Variants in LMO7 observed in about 807,000 individuals in gnomAD.
The protein encoded by LMO7 is LIM domain only protein 7.
Under a neutral mutation model 206.5 loss-of-function variants are expected in LMO7, and 120 were observed. The observed-to-expected ratio is 0.58, with a 90% CI of 0.50 to 0.68. The LOEUF (loss-of-function observed/expected upper bound fraction) is 0.68, where lower values mean the gene tolerates loss of function less well. LMO7 is among the 30% of genes least tolerant of loss of function. LMO7 has a pLI of 0.00. For missense variants in LMO7, 1,959 were observed against 1,957.9 expected (o/e 1.00, Z -0.01); for synonymous variants, 706 against 681.5 (o/e 1.04, Z -0.56).
At chr13:75,702,421 T>A (rs780923414) in intron 1 of LMO7, among the ~76,000 whole-genome samples, 6 of 152,194 alleles carry the variant, frequency 3.9e-5, no homozygotes, top group Non-Finnish European at 8.8e-5. Context: ...CATCTAGAAT[T>A]CAGGGATCTG....
chr13:75,679,089 T>C (rs2040264769), intron 1 of LMO7, among the ~76,000 whole-genome samples: 1 of 152,214 alleles, frequency 6.6e-6, no homozygotes, highest in African/African-American at 2.4e-5. Context: ...TCATTGTTTT[T>C]TCCCCCCTTT....
chr13:75,686,257 A>C (rs1174848167), intron 1 of LMO7, among the ~76,000 whole-genome samples: 4 of 152,184 alleles, frequency 2.6e-5, no homozygotes, highest in Non-Finnish European at 5.9e-5. Flanking sequence ...GTGGCTCACA[A>C]TCATGGTGGA....
At chr13:75,638,096 A>G (rs1445688174) in intron 1 of LMO7, among the ~76,000 whole-genome samples, 1 of 152,202 alleles carries the variant, frequency 6.6e-6, no homozygotes, top group African/African-American at 2.4e-5. Context: ...TGTTCTGCAT[A>G]ATTTTAGAAA....
chr13:75,636,238 G>A (rs1209142730), upstream of LMO7: 68 of 975,052 alleles, frequency 7.0e-5, 1 homozygote, highest in Non-Finnish European at 7.0e-5. Context: ...AGACGGAAGC[G>A]GCGACTCGGC....
intron 4 of LMO7, among the ~76,000 whole-genome samples, chr13:75,771,285 A>G (rs2049626850): frequency 6.6e-6 from 1 of 152,148 alleles, no homozygotes. Context: ...GAAGAGATGT[A>G]GTACAAATGT....
In LMO7 at chr13:75,835,475, T is replaced by C. The variant is rs760012140; in HGVS notation, c.3333+136T>C. 8.8e-6 allele frequency: 5 copies of C among 567,224 alleles called. No individual in the cohort carries two copies. In the South Asian group the frequency reaches 1.6e-4, roughly 18 times the overall value. 35.1% of individuals were successfully genotyped at this position (567,224 alleles called of 1,614,324 possible). Reference sequence around the variant, plus strand: ...AATGTAAATGATTGAATAATGTAAATTATAGTAAAGAGATACAGTAAAATA... The same window carrying C: ...AATGTAAATGATTGAATAATGTAAACTATAGTAAAGAGATACAGTAAAATA... On this transcript the variant is annotated intron_variant, in intron 18 of 30. Coordinates refer to ENST00000377534, the MANE Select transcript of LMO7 (RefSeq NM_001306080.2).
At chr13:75,639,315 G>T (rs983952298) in intron 1 of LMO7, among the ~76,000 whole-genome samples, 2 of 152,108 alleles carry the variant, frequency 1.3e-5, no homozygotes, top group African/African-American at 4.8e-5. Flanking sequence ...ATATACTTGA[G>T]TATATATAAA....
At chr13:75,834,674 G>T (rs1305665381) in intron 17 of LMO7, among the ~76,000 whole-genome samples, 3 of 152,092 alleles carry the variant, frequency 2.0e-5, no homozygotes, top group Non-Finnish European at 4.4e-5. Flanking sequence ...GCATCCAGGA[G>T]TTATTTATAA....
chr13:75,822,286 TA>T (rs1254365163), intron 14 of LMO7, among the ~76,000 whole-genome samples: 1 of 152,086 alleles, frequency 6.6e-6, no homozygotes, highest in East Asian at 1.9e-4. Flanking sequence ...TAAAAGGGTA[TA>T]AAAAATTGGA....
In LMO7 at chr13:75,805,553, A is replaced by T; in HGVS notation, c.989A>T (p.Tyr330Phe). The change falls in exon 9 of 31, where the codon TAT becomes TTT. Residue 330 changes from tyrosine (Y) to phenylalanine (F), a missense_variant. Physicochemically the swap from Tyr to Phe is conservative, Grantham distance 22. Transcript: ENST00000377534. ...TVQGTSKSSC[Y>F]LEEEKAKTRS... Reference sequence around the variant, plus strand: ...CAAGGAACTTCAAAGTCCTCTTGTTATTTGGAAGAGGAAAAAGCAAAGACA... The same window carrying T: ...CAAGGAACTTCAAAGTCCTCTTGTTTTTTGGAAGAGGAAAAAGCAAAGACA... 1.9e-6 allele frequency: 3 copies of T among 1,614,034 alleles called. No homozygotes were observed. The highest frequency in any genetic ancestry group is 2.5e-6 in the Non-Finnish European group (3 of 1,179,894).
intron 28 of LMO7, among the ~76,000 whole-genome samples, chr13:75,854,346 T>C (rs2060747289): frequency 6.6e-6 from 1 of 152,178 alleles, no homozygotes; most frequent in Admixed American, 6.5e-5. Flanking sequence ...TGTGTATCAA[T>C]GAGTTTGAAT....
intron 1 of LMO7, among the ~76,000 whole-genome samples, chr13:75,681,672 T>G (rs2040491627): frequency 6.9e-6 from 1 of 144,308 alleles, no homozygotes; most frequent in South Asian, 2.2e-4. Context: ...TAGTTTTGTC[T>G]TTTGGGGAAT....
chr13:75,769,945 G>C (rs1281563050), intron 4 of LMO7, among the ~76,000 whole-genome samples: 1 of 152,032 alleles, frequency 6.6e-6, no homozygotes, highest in African/African-American at 2.4e-5. Flanking sequence ...CAATTTGGCT[G>C]ACCAATCACT....
At chr13:75,680,250 A>G (rs1326678441) in intron 1 of LMO7, among the ~76,000 whole-genome samples, 3 of 152,250 alleles carry the variant, frequency 2.0e-5, no homozygotes, top group Admixed American at 2.0e-4. Flanking sequence ...GTGGTTGCAC[A>G]GTATTCCATG....
chr13:75,749,301 A>G (rs890364864), intron 3 of LMO7, among the ~76,000 whole-genome samples: 6 of 152,234 alleles, frequency 3.9e-5, no homozygotes, highest in African/African-American at 1.4e-4. Flanking sequence ...TTAGCATCAC[A>G]GTGACATTTT....
intron 1 of LMO7, among the ~76,000 whole-genome samples, chr13:75,652,614 A>AGTGTGTGTGTGTGTGTGTGTGT (rs59671117): frequency 1.5e-5 from 2 of 137,878 alleles, no homozygotes; most frequent in African/African-American, 5.4e-5. Flanking sequence ...CCACAAGTTC[A>AGTGTGTGTGTGTGTGTGTGTGT]GTGTGTGTGT....
Position 75,744,531 on chromosome 13 carries a change from G to A in LMO7, c.211-16401G>A, listed in dbSNP as rs555832419. On this transcript the variant is annotated intron_variant, in intron 3 of 30. Coordinates refer to ENST00000377534, the MANE Select transcript of LMO7 (RefSeq NM_001306080.2). ...GGATTATATCATACATGACAGTTTC[G>A]TTCAGATAAACTTGGAATGTCTCCC... 7.9e-5 allele frequency among the ~76,000 whole-genome samples: 12 copies of A among 152,216 alleles called. No homozygotes were observed. In the South Asian group the frequency reaches 2.1e-3, roughly 26 times the overall value.
intron 3 of LMO7, among the ~76,000 whole-genome samples, chr13:75,748,165 A>G (rs2047002498): frequency 6.6e-6 from 1 of 152,220 alleles, no homozygotes; most frequent in South Asian, 2.1e-4. Context: ...CAGAAGGAAC[A>G]TAGTCCCAAG....
chr13:75,709,749 G>C (rs546627605), intron 1 of LMO7, among the ~76,000 whole-genome samples: 6 of 152,120 alleles, frequency 3.9e-5, no homozygotes, highest in African/African-American at 9.7e-5. Context: ...TCTGTAGGTT[G>C]CCTGTTCACT....
Sources: allele counts gnomAD v4.1 joint callset (sites outside exome capture counted in the v4.1 genomes callset), GRCh38; gene constraint gnomAD v4.1.1; transcripts MANE v1.5; gene names NCBI Gene and HGNC (gene_info 2026-07-23, HGNC 2026-07-21).